The following RSU1 variants were observed in gnomAD, a reference collection of about 807,000 sequenced individuals.
RSU1 encodes the protein rsu-1.
Under a neutral mutation model 31.1 loss-of-function variants are expected in RSU1, and 26 were observed. The ratio of observed to expected loss-of-function variants is 0.84; its 90% CI spans 0.61 to 1.16. The LOEUF (loss-of-function observed/expected upper bound fraction) is 1.16. RSU1 is among the 50% of genes most tolerant of loss of function. RSU1 has a pLI of 0.00. For missense variants in RSU1, 320 were observed against 339.1 expected (o/e 0.94, Z 0.44); for synonymous variants, 164 against 136.3 (o/e 1.20, Z -1.41).
intron 2 of RSU1, among the ~76,000 whole-genome samples, chr10:16,796,608 TTCA>T (rs752374205): frequency 3.1e-4 from 47 of 152,194 alleles, no homozygotes; most frequent in Non-Finnish European, 5.9e-4. Flanking sequence ...TGTCAAACTG[TTCA>T]TCACAATGAT....
At chr10:16,644,519 C>T (rs964354730) in intron 8 of RSU1, among the ~76,000 whole-genome samples, 4 of 152,112 alleles carry the variant, frequency 2.6e-5, no homozygotes, top group African/African-American at 9.7e-5. Flanking sequence ...TTACATGTTA[C>T]GGAAGAGGAA....
intron 8 of RSU1, among the ~76,000 whole-genome samples, chr10:16,608,672 T>A (rs753492521): frequency 6.6e-6 from 1 of 151,992 alleles, no homozygotes; most frequent in Non-Finnish European, 1.5e-5. Context: ...GGAGACGGCA[T>A]CTCCGAGAGC....
In RSU1 at chr10:16,607,277, C is replaced by G. The variant is rs1011924752; in HGVS notation, c.732-13781G>C. ...CCCAGAAGCATAAGCCGCCATGCTT[C>G]CTGTACCTCCTGCAGAACCATGAGC... is the stretch of plus-strand genomic sequence containing the variant. On this transcript the variant is annotated intron_variant, in intron 8 of 8. Coordinates refer to ENST00000345264, the MANE Select transcript of RSU1 (RefSeq NM_012425.4). 5.9e-5 allele frequency among the ~76,000 whole-genome samples: 9 copies of G among 152,304 alleles called. No homozygotes were observed. In the South Asian group the frequency reaches 8.3e-4, roughly 14 times the overall value.
At chr10:16,779,458 A>T (rs753026328) in intron 3 of RSU1, among the ~76,000 whole-genome samples, 82 of 152,326 alleles carry the variant, frequency 5.4e-4, no homozygotes, top group Non-Finnish European at 8.1e-4. Context: ...ATAACCCTGT[A>T]GATCTTAAGT....
rs57077088 is a variant in RSU1, at chr10:16,600,567, T to G, written c.732-7071A>C. Among the ~76,000 whole-genome samples, 80 of 114,018 alleles carry G rather than the reference T, an allele frequency of 7.0e-4. 1 individual carries two copies. The highest frequency in any genetic ancestry group is 4.5e-3 in the African/African-American group (74 of 16,532). 74.8% of individuals were successfully genotyped at this position (114,018 alleles called of 152,430 possible). ...TTACTGACACGTGTTTTTTTTTTTT[T>G]AGGGGGGGGTGGTTTTTGAGACAGG... On this transcript the variant is annotated intron_variant, in intron 8 of 8. Transcript: ENST00000345264.
chr10:16,773,940 G>A (rs566001659), intron 3 of RSU1, among the ~76,000 whole-genome samples: 1 of 152,124 alleles, frequency 6.6e-6, no homozygotes, highest in East Asian at 1.9e-4. Flanking sequence ...AAAAGCTAAA[G>A]AACCAGCAAA....
intron 2 of RSU1, among the ~76,000 whole-genome samples, chr10:16,794,987 G>T (rs1837997485): frequency 6.6e-6 from 1 of 152,168 alleles, no homozygotes; most frequent in Non-Finnish European, 1.5e-5. Context: ...AGAGAAAAAA[G>T]ATTATTTATG....
chr10:16,793,374 G>A (rs1325103427), intron 2 of RSU1, among the ~76,000 whole-genome samples: 1 of 151,722 alleles, frequency 6.6e-6, no homozygotes, highest in Non-Finnish European at 1.5e-5. Flanking sequence ...GAAAAAAAAA[G>A]ATGGCCCCTG....
At chr10:16,716,344 CTTTATT>C (rs766520529) in intron 7 of RSU1, among the ~76,000 whole-genome samples, 1 of 152,096 alleles carries the variant, frequency 6.6e-6, no homozygotes, top group Non-Finnish European at 1.5e-5. Context: ...TTTAATCTAT[CTTTATT>C]TTTAAGAGTA....
At chr10:16,673,038 C>T (rs954562741) in intron 8 of RSU1, among the ~76,000 whole-genome samples, 4 of 152,232 alleles carry the variant, frequency 2.6e-5, no homozygotes, top group Non-Finnish European at 5.9e-5. Context: ...GAGAACCTAG[C>T]ATGTCTCCTA....
chr10:16,712,619 CAATT>C (rs1836044233), intron 7 of RSU1, among the ~76,000 whole-genome samples: 1 of 152,112 alleles, frequency 6.6e-6, no homozygotes, highest in African/African-American at 2.4e-5. Context: ...ACCCCATACA[CAATT>C]AATATTTTTG....
intron 7 of RSU1, among the ~76,000 whole-genome samples, chr10:16,720,921 A>T (rs1223431754): frequency 6.6e-6 from 1 of 152,142 alleles, no homozygotes; most frequent in Non-Finnish European, 1.5e-5. Context: ...TGAGAGTTTG[A>T]GGCTGCAGTG....
At chr10:16,809,989 G>A (rs1002272363) in intron 2 of RSU1, among the ~76,000 whole-genome samples, 1 of 151,098 alleles carries the variant, frequency 6.6e-6, no homozygotes, top group Non-Finnish European at 1.5e-5. Flanking sequence ...GGGAGGCCGG[G>A]GGTGGGGGGG....
At chr10:16,730,625 T>G (rs1304121874) in intron 7 of RSU1, among the ~76,000 whole-genome samples, 1 of 151,748 alleles carries the variant, frequency 6.6e-6, no homozygotes, top group Non-Finnish European at 1.5e-5. Context: ...ATTTGGGGGG[T>G]TTTTTGGTGC....
At chr10:16,709,136 C>T (rs1259543398) in intron 7 of RSU1, among the ~76,000 whole-genome samples, 3 of 151,616 alleles carry the variant, frequency 2.0e-5, no homozygotes, top group East Asian at 3.9e-4. Flanking sequence ...CTAATGCTAT[C>T]CCTCCCCCCT....
At chr10:16,780,502 C>T (rs544025024) in intron 3 of RSU1, among the ~76,000 whole-genome samples, 22 of 152,310 alleles carry the variant, frequency 1.4e-4, no homozygotes, top group African/African-American at 5.3e-4. Flanking sequence ...CTCAGCCTTC[C>T]TAAGTGCTGG....
At position 16,593,211 on chromosome 10, in the gene RSU1, A is replaced by T. The variant is rs1833541123; in HGVS notation, c.*183T>A. 8.4e-7 allele frequency: 1 copy of T among 1,191,946 alleles called. No homozygotes were observed. Among genetic ancestry groups the T allele is most frequent in the Non-Finnish European group, 1.1e-6 (1 of 884,778 alleles). 73.8% of individuals were successfully genotyped at this position (1,191,946 alleles called of 1,614,324 possible). ...CAAATGGAAATGGTTTAAAGACCTT[A>T]TAACAATCTCCCACCTAGCAAAAGA... On this transcript the variant is annotated 3_prime_UTR_variant, in exon 9 of 9. Coordinates refer to ENST00000345264, the MANE Select transcript of RSU1 (RefSeq NM_012425.4).
At chr10:16,697,356 A>C (rs1205365606) in intron 7 of RSU1, among the ~76,000 whole-genome samples, 4 of 152,194 alleles carry the variant, frequency 2.6e-5, no homozygotes, top group Non-Finnish European at 5.9e-5. Flanking sequence ...AGGTGTTTGG[A>C]AAAAATATGT....
chr10:16,746,617 T>C (rs1161793981), intron 7 of RSU1, among the ~76,000 whole-genome samples: 3 of 147,832 alleles, frequency 2.0e-5, no homozygotes, highest in African/African-American at 7.5e-5. Flanking sequence ...AGAAATGGAA[T>C]AGAAAACTGC....
Sources: gnomAD v4.1 joint callset for allele counts (sites outside exome capture counted in the v4.1 genomes callset) on GRCh38, gnomAD v4.1.1 for gene constraint, MANE v1.5 for transcripts, NCBI Gene and HGNC (gene_info 2026-07-23, HGNC 2026-07-21) for gene names.